ANXA4: variants seen among roughly 807,000 people sequenced by gnomAD.
The protein encoded by ANXA4 is 35-beta calcimedin.
ANXA4 carries 39 observed loss-of-function variants against 49.8 expected under a neutral mutation model. The ratio of observed to expected loss-of-function variants is 0.78; its 90% confidence interval spans 0.61 to 1.02. ANXA4 has a LOEUF of 1.02. ANXA4 is among the 50% of genes least tolerant of loss of function. ANXA4 has a pLI of 0.00. For synonymous variants in ANXA4, 134 were observed against 152.5 expected (o/e 0.88, Z 0.89); for missense variants, 360 against 410.1 (o/e 0.88, Z 1.05).
At chr2:69,774,989 A>G (rs1025357209) in intron 1 of ANXA4, among the ~76,000 whole-genome samples, 5 of 152,232 alleles carry the variant, frequency 3.3e-5, no homozygotes, top group Non-Finnish European at 7.3e-5. Flanking sequence ...AATACTCTGC[A>G]GTGTTCGAAA....
At chr2:69,732,051 A>G (rs1559120629) in intron 3 of ANXA4, among the ~76,000 whole-genome samples, 1 of 135,590 alleles carries the variant, frequency 7.4e-6, no homozygotes, top group Admixed American at 7.9e-5. Context: ...CACGATCTCG[A>G]CTCACTGCAA....
chr2:69,796,831 C>G (rs943733911), intron 3 of ANXA4, among the ~76,000 whole-genome samples: 2 of 152,094 alleles, frequency 1.3e-5, no homozygotes, highest in Admixed American at 1.3e-4. Flanking sequence ...GCTCTTCTAA[C>G]TTAGGGGAAT....
chr2:69,808,212 C>T (rs1173456466), intron 6 of ANXA4: 3 of 535,024 alleles, frequency 5.6e-6, no homozygotes, highest in African/African-American at 3.8e-5. Flanking sequence ...CTCTATTTTG[C>T]CTACCCAGTG....
intron 7 of ANXA4, among the ~76,000 whole-genome samples, chr2:69,811,842 C>G (rs956218243): frequency 1.3e-5 from 2 of 152,158 alleles, no homozygotes; most frequent in African/African-American, 4.8e-5. Context: ...CTGCCTGTGT[C>G]TCATATTTCT....
intron 8 of ANXA4, chr2:69,814,748 GTGTGT>G (rs1673889660): frequency 6.5e-5 from 3 of 45,922 alleles, no homozygotes; most frequent in Non-Finnish European, 1.2e-4. Context: ...AGAGGGGTGT[GTGTGT>G]GTGTGTGTGT....
chr2:69,740,853 ATG>A (rs1491331969), upstream of ANXA4, among the ~76,000 whole-genome samples: 7 of 84,316 alleles, frequency 8.3e-5, no homozygotes, highest in African/African-American at 2.1e-4. Context: ...GGCTATATAT[ATG>A]TTTTTTTTTT....
In ANXA4 at chr2:69,794,658, G is replaced by A. The variant is rs1672855529; in HGVS notation, c.97+6517G>A. 2.0e-5 allele frequency among the ~76,000 whole-genome samples: 3 copies of A among 152,188 alleles called. No homozygotes were observed. In the South Asian group the frequency reaches 6.2e-4, roughly 32 times the overall value. On this transcript the variant is annotated intron_variant, in intron 3 of 12. Transcript: ENST00000394295. ...GCTCACTGCAAGCTCTGCCTTCCGA[G>A]TTCACGCCATTCTCTTGCCTCAGCC... is the stretch of plus-strand genomic sequence containing the variant.
intron 2 of ANXA4, among the ~76,000 whole-genome samples, chr2:69,670,068 G>A (rs1198086053): frequency 1.3e-5 from 2 of 152,144 alleles, no homozygotes; most frequent in Non-Finnish European, 2.9e-5. Flanking sequence ...TAGAGACAGG[G>A]TAGGAACTGA....
chr2:69,785,296 G>C (rs1301020619), intron 2 of ANXA4, among the ~76,000 whole-genome samples: 1 of 152,160 alleles, frequency 6.6e-6, no homozygotes, highest in South Asian at 2.1e-4. Context: ...GCTCAAGTCA[G>C]GCTCACCAGA....
At chr2:69,753,831 A>T (rs1670946717) in intron 1 of ANXA4, among the ~76,000 whole-genome samples, 1 of 152,268 alleles carries the variant, frequency 6.6e-6, no homozygotes, top group Non-Finnish European at 1.5e-5. Flanking sequence ...AGGAAGGTGT[A>T]GTGGAGGTTG....
intron 2 of ANXA4, chr2:69,713,802 G>C (rs35979985): frequency 6.6e-6 from 1 of 152,290 alleles, no homozygotes; most frequent in East Asian, 1.9e-4. Context: ...TAACAGTTTA[G>C]GACTTTGAGG....
chr2:69,697,487 A>G (rs191843184), intron 2 of ANXA4, among the ~76,000 whole-genome samples: 1 of 152,286 alleles, frequency 6.6e-6, no homozygotes, highest in African/African-American at 2.4e-5. Context: ...ACTTGTGTTC[A>G]CTGGAGTAGC....
chr2:69,656,331 ATGTGTATATATATGTG>A (rs1559046398), intron 2 of ANXA4, among the ~76,000 whole-genome samples: 1 of 100,724 alleles, frequency 9.9e-6, no homozygotes, highest in African/African-American at 6.3e-5. Context: ...ATGTATATAT[ATGTGTATATATATGTG>A]TATATATGTG....
chr2:69,731,546 C>T (rs1308645722), intron 3 of ANXA4, among the ~76,000 whole-genome samples: 1 of 152,114 alleles, frequency 6.6e-6, no homozygotes, highest in African/African-American at 2.4e-5. Flanking sequence ...CCATGTTGAC[C>T]CCTATGATCA....
At chr2:69,663,293 C>T (rs1364642095) in intron 2 of ANXA4, among the ~76,000 whole-genome samples, 3 of 42,824 alleles carry the variant, frequency 7.0e-5, no homozygotes, top group Admixed American at 4.0e-4. Context: ...TGCACCCGGC[C>T]TTTTTTTTTT....
intron 2 of ANXA4, among the ~76,000 whole-genome samples, chr2:69,654,284 A>G (rs563073595): frequency 2.6e-5 from 4 of 152,000 alleles, no homozygotes; most frequent in Non-Finnish European, 5.9e-5. Context: ...ATTTCTTTCT[A>G]TTGCCTGATT....
At chr2:69,684,263 A>G (rs1167834787) in intron 2 of ANXA4, among the ~76,000 whole-genome samples, 1 of 152,226 alleles carries the variant, frequency 6.6e-6, no homozygotes, top group Admixed American at 6.5e-5. Flanking sequence ...CATGAAAGGA[A>G]TCTCTTATCA....
At chr2:69,664,884 C>T (rs1676877594) in intron 2 of ANXA4, among the ~76,000 whole-genome samples, 1 of 152,172 alleles carries the variant, frequency 6.6e-6, no homozygotes, top group Non-Finnish European at 1.5e-5. Flanking sequence ...AGGCAGATCA[C>T]TTGAGGTCAG....
intron 2 of ANXA4, among the ~76,000 whole-genome samples, chr2:69,708,406 C>A (rs1005644335): frequency 2.0e-5 from 3 of 152,128 alleles, no homozygotes; most frequent in African/African-American, 7.2e-5. Flanking sequence ...TATTTTAAGG[C>A]TGTCCATGGC....
Sources: gnomAD v4.1 joint callset for allele counts (sites outside exome capture counted in the v4.1 genomes callset) on GRCh38, gnomAD v4.1.1 for gene constraint, MANE v1.5 for transcripts, NCBI Gene and HGNC (gene_info 2026-07-23, HGNC 2026-07-21) for gene names.